Variants in TLN2 observed in about 807,000 individuals in gnomAD.
The protein encoded by TLN2 is talin 2.
Under a neutral mutation model 294.7 loss-of-function variants are expected in TLN2, and 118 were observed. The observed-to-expected ratio is 0.40, with a 90% confidence interval of 0.34 to 0.47. TLN2 has a LOEUF of 0.47. Among genes scored for constraint, TLN2 ranks in the 20% least tolerant of loss-of-function variants. TLN2 has a pLI of 0.84. For synonymous variants in TLN2, 1,431 were observed against 1,304.5 expected (o/e 1.10, Z -2.09); for missense variants, 3,083 against 3,282.2 (o/e 0.94, Z 1.48).
intron 14 of TLN2, among the ~76,000 whole-genome samples, chr15:62,695,320 C>T (rs958331840): frequency 1.4e-4 from 21 of 152,106 alleles, no homozygotes; most frequent in African/African-American, 5.1e-4. Context: ...CAAGGAGCAA[C>T]GCAGGAAGAA....
chr15:62,442,967 T>A (rs1161348274), intron 1 of TLN2, among the ~76,000 whole-genome samples: 1 of 152,228 alleles, frequency 6.6e-6, no homozygotes, highest in African/African-American at 2.4e-5. Flanking sequence ...CCACATCTTC[T>A]AAGCTCTCTC....
At chr15:62,464,504 A>G (rs903895023) in intron 1 of TLN2, among the ~76,000 whole-genome samples, 1 of 152,092 alleles carries the variant, frequency 6.6e-6, no homozygotes, top group Admixed American at 6.6e-5. Context: ...GCAAACCAAC[A>G]TAACACATGT....
chr15:62,462,701 G>T (rs560019838), intron 1 of TLN2, among the ~76,000 whole-genome samples: 50 of 152,296 alleles, frequency 3.3e-4, no homozygotes, highest in African/African-American at 1.2e-3. Flanking sequence ...TGTGGGTGTG[G>T]CTCTTGCCAG....
chr15:62,519,878 C>T (rs183598912), intron 1 of TLN2, among the ~76,000 whole-genome samples: 18 of 152,324 alleles, frequency 1.2e-4, no homozygotes, highest in Non-Finnish European at 1.9e-4. Flanking sequence ...TTTCATGCTG[C>T]TGATAAAGAC....
At chr15:62,476,222 T>C (rs1182060197) in intron 1 of TLN2, 1 of 152,262 alleles carries the variant, frequency 6.6e-6, no homozygotes, top group Non-Finnish European at 1.5e-5. Context: ...CCTCCTGCTT[T>C]GTCACCTGAA....
intron 48 of TLN2, among the ~76,000 whole-genome samples, 163 bp downstream of exon 48, chr15:62,797,565 G>C (rs2141134685): frequency 6.6e-6 from 1 of 152,378 alleles, no homozygotes; most frequent in South Asian, 2.1e-4. Context: ...ATCCAAGCGA[G>C]ATAGTGGCAC....
At chr15:62,468,870 C>T (rs761876664) in intron 1 of TLN2, among the ~76,000 whole-genome samples, 5 of 152,110 alleles carry the variant, frequency 3.3e-5, no homozygotes, top group Non-Finnish European at 7.3e-5. Context: ...CAGGGATGCT[C>T]ATTTCCATGC....
At chr15:62,628,556 T>C (rs1273609646) in intron 3 of TLN2, among the ~76,000 whole-genome samples, 5 of 152,262 alleles carry the variant, frequency 3.3e-5, no homozygotes, top group Non-Finnish European at 5.9e-5. Context: ...ACATTTTTCA[T>C]AGAAAGATCT....
At chr15:62,504,896 C>T (rs1199421249) in intron 1 of TLN2, among the ~76,000 whole-genome samples, 1 of 151,708 alleles carries the variant, frequency 6.6e-6, no homozygotes, top group Admixed American at 6.6e-5. Flanking sequence ...ATTCTAAACT[C>T]TGCCCCACTG....
chr15:62,537,615 A>C (rs529474834), intron 1 of TLN2, among the ~76,000 whole-genome samples: 1 of 152,304 alleles, frequency 6.6e-6, no homozygotes, highest in South Asian at 2.1e-4. Flanking sequence ...TTAGTCCCTC[A>C]GCTGAGCTTT....
chr15:62,781,141 T>G lies in TLN2; in HGVS notation c.5516T>G (p.Leu1839Arg), dbSNP rs753487776. Reference protein sequence around the residue: ...VDAIAEAMSKLDEGTPPEPKG... With the variant: ...VDAIAEAMSKRDEGTPPEPKG... The stretch of plus-strand genomic sequence containing the variant: ...GGATTCTTTTCCTCTCCTCTGTAGC[T>G]GGATGAAGGCACTCCTCCAGAACCA... Residue 1839 changes from leucine (L) to arginine (R), a missense_variant and splice_region_variant, in exon 44 of 59, where the codon CTG (leucine) becomes CGG (arginine). Transcript: ENST00000636159. 6.2e-7 allele frequency: 1 copy of G among 1,613,556 alleles called. No individual in the cohort carries two copies. The highest frequency in any genetic ancestry group is 1.1e-5 in the South Asian group (1 of 91,070).
rs573911968 is a variant in TLN2 at position 62,536,912 on chromosome 15, G to T, written c.-237-52775G>T. On this transcript the variant is annotated intron_variant, in intron 1 of 58. Transcript: ENST00000636159. Reference sequence around the variant, plus strand: ...AAACATTTATCATTTCTTTGTGTTGGGAACATTCAAAATCTACTCTTCTAG... The same window carrying T: ...AAACATTTATCATTTCTTTGTGTTGTGAACATTCAAAATCTACTCTTCTAG... 4.6e-5 allele frequency among the ~76,000 whole-genome samples: 7 copies of T among 152,148 alleles called. No homozygotes were observed. The South Asian group carries it at 1.5e-3, about 32-fold the overall frequency.
In TLN2 at chr15:62,750,509, G is replaced by A. The variant is rs745660404; in HGVS notation, c.4209+18G>A. On this transcript the variant is annotated intron_variant, in intron 34 of 58. Coordinates refer to ENST00000636159, the MANE Select transcript of TLN2 (RefSeq NM_015059.3). ...ACTCCAAGGTAAGACTGCCTATGCC[G>A]TAAGTCAGAAGTTAGCATTGCTTGT... is the stretch of plus-strand genomic sequence containing the variant. The A allele has an allele frequency of 9.4e-6, 15 of 1,603,966 alleles. No homozygotes were observed. The highest frequency in any genetic ancestry group is 1.7e-4 in the Middle Eastern group (1 of 6,058).
chr15:62,639,077 G>A (rs893240760), intron 3 of TLN2, among the ~76,000 whole-genome samples: 1 of 152,186 alleles, frequency 6.6e-6, no homozygotes, highest in African/African-American at 2.4e-5. Context: ...GTGTTATGAA[G>A]TCCACAGATA....
intron 1 of TLN2, among the ~76,000 whole-genome samples, chr15:62,440,821 A>AT (rs1199604083): frequency 6.6e-6 from 1 of 152,170 alleles, no homozygotes; most frequent in African/African-American, 2.4e-5. Context: ...AGTTTCAACC[A>AT]TTTTTTATAT....
intron 19 of TLN2, among the ~76,000 whole-genome samples, chr15:62,704,224 A>G (rs2058912908): frequency 6.6e-6 from 1 of 152,192 alleles, no homozygotes; most frequent in Admixed American, 6.5e-5. Context: ...AACACCACAA[A>G]TATCACCAAA....
chr15:62,763,614 C>A lies in TLN2; in HGVS notation c.5013C>A (p.Asn1671Lys). ...RECDYSIDGI[N>K]RCIRDIEQAS... ...GTGATTACTCCATCGATGGCATCAA[C>A]CGGTGCATCCGGGACATCGAGCAGG... is the stretch of plus-strand genomic sequence containing the variant. The change falls in exon 40 of 59, where the codon AAC (asparagine) becomes AAA (lysine). Residue 1671 changes from asparagine (N) to lysine (K), a missense_variant. Transcript: ENST00000636159. 1 of 1,613,782 alleles carries A rather than the reference C, an allele frequency of 6.2e-7. No homozygotes were observed. The highest frequency in any genetic ancestry group is 1.1e-5 in the South Asian group (1 of 91,070).
rs532671887 is a variant in TLN2, at chr15:62,707,543, C to G, written c.2172+290C>G. ...TTCTCAGTGCATCTTTACACCTGCA[C>G]AAAAATAGTTCTTGCAATGCGTGGT... On this transcript the variant is annotated intron_variant, in intron 20 of 58. Coordinates refer to ENST00000636159, the MANE Select transcript of TLN2 (RefSeq NM_015059.3). Among the ~76,000 whole-genome samples, 4 of 152,290 alleles carry G rather than the reference C, an allele frequency of 2.6e-5. No homozygotes were observed. In the East Asian group the frequency reaches 7.7e-4, roughly 29 times the overall value.
intron 1 of TLN2, among the ~76,000 whole-genome samples, chr15:62,443,263 T>C (rs2035644048): frequency 6.6e-6 from 1 of 152,238 alleles, no homozygotes; most frequent in Admixed American, 6.5e-5. Context: ...CAATCCAGCT[T>C]AATAAATGCC....
Sources: allele counts gnomAD v4.1 joint callset (sites outside exome capture counted in the v4.1 genomes callset), GRCh38; gene constraint gnomAD v4.1.1; transcripts MANE v1.5; gene names NCBI Gene and HGNC (gene_info 2026-07-23, HGNC 2026-07-21).